Variants in CSGALNACT2 observed in about 807,000 individuals in gnomAD.
The protein encoded by CSGALNACT2 is chondroitin sulfate N-acetylgalactosaminyltransferase 2.
In CSGALNACT2, 35 loss-of-function variants were observed where a neutral mutation model predicts 55.3. The ratio of observed to expected loss-of-function variants is 0.63; its 90% CI spans 0.48 to 0.84. The LOEUF (loss-of-function observed/expected upper bound fraction) is 0.84. Among genes scored for constraint, CSGALNACT2 ranks in the 40% least tolerant of loss-of-function variants. The pLI, the probability that CSGALNACT2 is intolerant of heterozygous loss-of-function variation, is 0.00. For synonymous variants in CSGALNACT2, 196 were observed against 224.9 expected (o/e 0.87, Z 1.15); for missense variants, 544 against 657.5 (o/e 0.83, Z 1.89).
intron 4 of CSGALNACT2, chr10:43,162,089 T>C: frequency 4.0e-6 from 2 of 501,454 alleles, no homozygotes. Context: ...GGGAAGAAAA[T>C]CAAAACAACT....
chr10:43,167,388 T>TTTAAA (rs1308962639), intron 6 of CSGALNACT2, among the ~76,000 whole-genome samples: 1,780 of 152,256 alleles, frequency 0.012, 37 homozygotes, highest in African/African-American at 0.041. Context: ...TCTACCAGCT[T>TTTAAA]ATTTTTACTA....
intron 6 of CSGALNACT2, among the ~76,000 whole-genome samples, chr10:43,170,845 G>A (rs1015598689): frequency 8.5e-5 from 13 of 152,152 alleles, no homozygotes; most frequent in African/African-American, 2.7e-4. Flanking sequence ...TTCCAAAAAC[G>A]TAGATAACTT....
rs564157050 is a variant in CSGALNACT2 at position 43,144,878 on chromosome 10, A to C, written c.-254+6311A>C. 1.4e-4 allele frequency among the ~76,000 whole-genome samples: 22 copies of C among 152,280 alleles called. No individual in the cohort carries two copies. In the East Asian group the frequency reaches 4.0e-3, roughly 28 times the overall value. On this transcript the variant is annotated intron_variant, in intron 1 of 7. Transcript: ENST00000374466. The stretch of plus-strand genomic sequence containing the variant: ...CTACAAATTACCTTGCATTTTCTAA[A>C]ATTTTATATAAATAGAATCATATAG...
chr10:43,144,901 T>C (rs531531625), intron 1 of CSGALNACT2, among the ~76,000 whole-genome samples: 42 of 152,354 alleles, frequency 2.8e-4, no homozygotes, highest in African/African-American at 1.0e-3. Flanking sequence ...TAGAATCATA[T>C]AGTAAGTACT....
rs140135286 is a variant in CSGALNACT2, at chr10:43,150,141, A to C, written c.-253-4756A>C. Among the ~76,000 whole-genome samples the C allele has an allele frequency of 3.9e-3, 590 of 152,300 alleles. 5 individuals carry two copies. The highest frequency in any genetic ancestry group is 0.026 in the South Asian group (127 of 4,824). On this transcript the variant is annotated intron_variant, in intron 1 of 7. Coordinates refer to ENST00000374466, the MANE Select transcript of CSGALNACT2 (RefSeq NM_018590.5). Reference sequence around the variant, plus strand: ...TGAAGCCTCTTGGCCTGGACTTTTCATTGTGAGTAGTTTTTTTATTATTAT... The same window carrying C: ...TGAAGCCTCTTGGCCTGGACTTTTCCTTGTGAGTAGTTTTTTTATTATTAT...
At chr10:43,146,070 G>A (rs1838740740) in intron 1 of CSGALNACT2, among the ~76,000 whole-genome samples, 1 of 152,072 alleles carries the variant, frequency 6.6e-6, no homozygotes, top group South Asian at 2.1e-4. Flanking sequence ...AGAACTAAGA[G>A]GATATATGTA....
At chr10:43,139,680 CT>C (rs1838575010) in intron 1 of CSGALNACT2, among the ~76,000 whole-genome samples, 1 of 152,210 alleles carries the variant, frequency 6.6e-6, no homozygotes, top group African/African-American at 2.4e-5. Flanking sequence ...GTTTTCCCAT[CT>C]GTATTCTAAC....
intron 4 of CSGALNACT2, chr10:43,162,728 C>T (rs1383491216): frequency 2.5e-5 from 24 of 972,258 alleles, no homozygotes; most frequent in Non-Finnish European, 2.8e-5. Flanking sequence ...GTGCCAGAGT[C>T]ACCAGGAGGA....
chr10:43,167,840 A>C (rs1022486655), intron 6 of CSGALNACT2, among the ~76,000 whole-genome samples: 4 of 152,088 alleles, frequency 2.6e-5, no homozygotes, highest in African/African-American at 9.6e-5. Context: ...TAATACTAAG[A>C]AAAAGTAGAA....
intron 6 of CSGALNACT2, among the ~76,000 whole-genome samples, chr10:43,174,656 A>G (rs1409007591): frequency 6.6e-6 from 1 of 152,106 alleles, no homozygotes; most frequent in East Asian, 1.9e-4. Context: ...CCACATCCAT[A>G]CACTCTTTTG....
chr10:43,148,563 C>T (rs1478006366), intron 1 of CSGALNACT2, among the ~76,000 whole-genome samples: 8 of 152,160 alleles, frequency 5.3e-5, no homozygotes, highest in Non-Finnish European at 1.0e-4. Context: ...TTTCTTCCAA[C>T]AATGTTTTGT....
At chr10:43,141,994 G>T (rs1838638317) in intron 1 of CSGALNACT2, among the ~76,000 whole-genome samples, 1 of 152,178 alleles carries the variant, frequency 6.6e-6, no homozygotes, top group South Asian at 2.1e-4. Context: ...TTCCCTACCA[G>T]CTCACAGAAG....
intron 1 of CSGALNACT2, among the ~76,000 whole-genome samples, chr10:43,143,758 A>C (rs1472936363): frequency 6.6e-6 from 1 of 152,096 alleles, no homozygotes; most frequent in Non-Finnish European, 1.5e-5. Flanking sequence ...CCATGATTAT[A>C]GTTTTCTCCA....
At chr10:43,178,488 G>A (rs1211301534) in intron 7 of CSGALNACT2, among the ~76,000 whole-genome samples, 1 of 151,938 alleles carries the variant, frequency 6.6e-6, no homozygotes, top group Non-Finnish European at 1.5e-5. Context: ...AGGCGTGGTG[G>A]CAGGCGCCTG....
At chr10:43,163,621 G>A (rs945921262) in intron 4 of CSGALNACT2, 11 of 985,418 alleles carry the variant, frequency 1.1e-5, no homozygotes, top group Non-Finnish European at 1.3e-5. Context: ...CCAAAGGTCA[G>A]TGGCCACTTT....
chr10:43,150,186 A>G (rs1374890922), intron 1 of CSGALNACT2, among the ~76,000 whole-genome samples: 1 of 152,204 alleles, frequency 6.6e-6, no homozygotes, highest in African/African-American at 2.4e-5. Context: ...CTTTTGTCAT[A>G]TAAGTCTATT....
chr10:43,146,481 C>T (rs1393028220), intron 1 of CSGALNACT2, among the ~76,000 whole-genome samples: 3 of 152,204 alleles, frequency 2.0e-5, no homozygotes, highest in African/African-American at 7.2e-5. Context: ...AGTCCACTGA[C>T]TCAAATGTTA....
chr10:43,144,504 G>A (rs777828982), intron 1 of CSGALNACT2, among the ~76,000 whole-genome samples: 3 of 152,080 alleles, frequency 2.0e-5, no homozygotes, highest in Non-Finnish European at 4.4e-5. Flanking sequence ...GCTTAGTTTT[G>A]TTTTTTAAAT....
chr10:43,159,523 C>T (rs989111168), intron 3 of CSGALNACT2, among the ~76,000 whole-genome samples: 1 of 152,042 alleles, frequency 6.6e-6, no homozygotes, highest in African/African-American at 2.4e-5. Context: ...TTTTGACAAA[C>T]GTATACACTC....
Sources: allele counts gnomAD v4.1 joint callset (sites outside exome capture counted in the v4.1 genomes callset), GRCh38; gene constraint gnomAD v4.1.1; transcripts MANE v1.5; gene names NCBI Gene and HGNC (gene_info 2026-07-23, HGNC 2026-07-21).